Variants in PPP1R12C observed in about 807,000 individuals in gnomAD.
PPP1R12C encodes the protein protein phosphatase 1 regulatory subunit 12C.
PPP1R12C carries 48 observed loss-of-function variants against 95.6 expected under a neutral mutation model. The observed-to-expected ratio is 0.50, with a 90% CI of 0.40 to 0.64. The LOEUF is 0.64. PPP1R12C is among the 30% of genes least tolerant of loss of function. The pLI, the probability that PPP1R12C is intolerant of heterozygous loss-of-function variation, is 0.00. For synonymous variants in PPP1R12C, 480 were observed against 460.8 expected, an observed-to-expected ratio of 1.04 and a Z score of -0.53; for missense variants, 1,057 against 1,083.3, an observed-to-expected ratio of 0.98 and a Z score of 0.34.
At chr19:55,095,180 C>A in intron 11 of PPP1R12C, 111 bp downstream of exon 11, 1 of 1,225,378 alleles carries the variant, frequency 8.2e-7, no homozygotes. Context: ...TCTGGAGTGG[C>A]GGCAGGAACC....
At chr19:55,115,624 G>C (rs924912720) in intron 1 of PPP1R12C, 5 of 152,038 alleles carry the variant, frequency 3.3e-5, no homozygotes, top group African/African-American at 1.2e-4. Flanking sequence ...CTGGCAAGGA[G>C]AGAGATGGCT....
At position 55,092,992 on chromosome 19, in the gene PPP1R12C, G is replaced by C. The variant is rs372017217; in HGVS notation, c.1825+24C>G. ...AGAAACTGGATGATTCCCTGGGAAT[G>C]ACCTCCCCGAGAGCAGACCTCACCT... On this transcript the variant is annotated intron_variant, in intron 15 of 21. Transcript: ENST00000263433. 5 of 1,564,176 alleles carry C rather than the reference G, an allele frequency of 3.2e-6. No individual in the cohort carries two copies. In the African/African-American group the frequency reaches 4.1e-5, roughly 13 times the overall value.
chr19:55,107,623 T>C (rs908444067), intron 3 of PPP1R12C, among the ~76,000 whole-genome samples: 8 of 147,012 alleles, frequency 5.4e-5, no homozygotes, highest in African/African-American at 2.0e-4. Flanking sequence ...CACTGCATGT[T>C]GTCACTCATA....
intron 3 of PPP1R12C, 109 bp downstream of exon 3, chr19:55,112,358 C>A: frequency 1.1e-6 from 1 of 950,808 alleles, no homozygotes; most frequent in South Asian, 1.7e-5. Context: ...AAAGACAATC[C>A]TAGGAAGCAG....
intron 3 of PPP1R12C, among the ~76,000 whole-genome samples, chr19:55,111,155 G>GGGGGGGGGA (rs2085091369): frequency 1.4e-5 from 2 of 141,930 alleles, no homozygotes; most frequent in Non-Finnish European, 1.5e-5. Context: ...GGGGGAGGGG[G>GGGGGGGGGA]GGGTGCATGG....
Position 55,107,568 on chromosome 19 carries a change from T to G in PPP1R12C, c.572-4000A>C, listed in dbSNP as rs559534748. On this transcript the variant is annotated intron_variant, in intron 3 of 21. Transcript: ENST00000263433. ...TCCTTTGTAGGGACATGGATGAAGC[T>G]GGAAACCATCACTCAGCAAACTATC... Among the ~76,000 whole-genome samples the G allele has an allele frequency of 2.2e-4, 34 of 152,202 alleles. 1 individual carries two copies. The South Asian group carries it at 7.1e-3, about 32-fold the overall frequency.
At chr19:55,104,182 A>C (rs1162807722) in intron 3 of PPP1R12C, among the ~76,000 whole-genome samples, 1 of 94,100 alleles carries the variant, frequency 1.1e-5, no homozygotes, top group Non-Finnish European at 1.9e-5. Flanking sequence ...AAAAAAAAGT[A>C]TATATATATA....
intron 1 of PPP1R12C, chr19:55,115,116 A>T (rs960729280): frequency 1.3e-5 from 2 of 152,138 alleles, no homozygotes; most frequent in East Asian, 3.9e-4. Context: ...TGTCCCAGAT[A>T]GCACTGGGGA....
chr19:55,117,512 G>T lies in PPP1R12C; in HGVS notation c.32C>A (p.Pro11Gln). 9.8e-7 allele frequency: 1 copy of T among 1,024,170 alleles called. No individual in the cohort carries two copies. Among genetic ancestry groups the T allele is most frequent in the South Asian group, 3.7e-5 (1 of 27,138 alleles). The allele number at this position is 1,024,170 out of a possible 1,614,324, so 63.4% of individuals were successfully genotyped here. MSGEDGPAAG[P>Q]GAAAAAARER... ...CCGGGCAGCCGCCGCCGCCGCCCCC[G>T]GGCCAGCCGCCGGGCCATCCTCTCC... Residue 11 changes from proline to glutamine, a missense_variant, in exon 1 of 22, where the codon CCG (proline) becomes CAG (glutamine). This residue lies in a region of PPP1R12C where 70 missense variants were observed against 47.8 expected (regional missense o/e 1.46). Coordinates refer to ENST00000263433, the MANE Select transcript of PPP1R12C (RefSeq NM_017607.4).
rs756602850 is a variant in PPP1R12C, at chr19:55,093,198, C to G, written c.1719G>C (p.Lys573Asn). The G allele has an allele frequency of 6.2e-7, 1 of 1,613,658 alleles. No homozygotes were observed. Among genetic ancestry groups the G allele is most frequent in the South Asian group, 1.1e-5 (1 of 91,084 alleles). The change falls in exon 14 of 22, where the codon AAG becomes AAC. Residue 573 changes from lysine to asparagine, a missense_variant. By Grantham distance (94) the Lys-to-Asn change is moderately conservative (BLOSUM62 0). Coordinates refer to ENST00000263433, the MANE Select transcript of PPP1R12C (RefSeq NM_017607.4). ...VTLTDLKEAEKAAGKAPESEK... is the reference protein window; with the variant it reads ...VTLTDLKEAENAAGKAPESEK... ...CTGACTCTGGGGCCTTCCCTGCAGC[C>G]TTCTCTGCCTCCTTCAGGTCTGTAA...
rs1457285686 is a variant in PPP1R12C, at chr19:55,109,481, A to C, written c.571+2986T>G. ...CATGCCCGATTCAGCCCCTGAGTCG[A>C]CTGGGCCAGAGGACTTTGCGGTGTT... is the stretch of plus-strand genomic sequence containing the variant. On this transcript the variant is annotated intron_variant, in intron 3 of 21. Transcript: ENST00000263433. The surrounding 1 kb of genome is among the most constrained non-coding windows in gnomAD (Gnocchi z 4.4). 6.6e-6 allele frequency among the ~76,000 whole-genome samples: 1 copy of C among 152,224 alleles called. No homozygotes were observed. The highest frequency in any genetic ancestry group is 2.4e-5 in the African/African-American group (1 of 41,462).
intron 4 of PPP1R12C, 115 bp from the exon 5 acceptor site, chr19:55,099,210 G>A (rs1274848914): frequency 7.1e-6 from 9 of 1,260,492 alleles, no homozygotes; most frequent in Non-Finnish European, 9.6e-6. Context: ...AACGTCCCTG[G>A]ACAGGCTGGT....
chr19:55,092,379 G>A (rs2084854038), intron 18 of PPP1R12C, 53 bp from the exon 19 acceptor site: 10 of 1,567,234 alleles, frequency 6.4e-6, no homozygotes, highest in East Asian at 4.7e-5. Context: ...TGCTGGGGGG[G>A]CGGGGAAGCC....
intron 3 of PPP1R12C, among the ~76,000 whole-genome samples, chr19:55,110,991 C>G (rs977504445): frequency 6.6e-6 from 1 of 151,738 alleles, no homozygotes; most frequent in African/African-American, 2.4e-5. Context: ...ATGTCTATAC[C>G]TGGGAAGAGA....
In PPP1R12C at chr19:55,092,821, G is replaced by A. The variant is rs374417640; in HGVS notation, c.1873C>T (p.His625Tyr). The A allele has an allele frequency of 5.1e-6, 8 of 1,565,102 alleles. No homozygotes were observed. Among genetic ancestry groups the A allele is most frequent in the African/African-American group, 1.4e-5 (1 of 73,510 alleles). Residue 625 changes from histidine to tyrosine, a missense_variant, in exon 16 of 22, where the codon CAC (histidine) becomes TAC (tyrosine). By Grantham distance (83) the His-to-Tyr change is moderately conservative. Coordinates refer to ENST00000263433, the MANE Select transcript of PPP1R12C (RefSeq NM_017607.4). The part of the protein sequence containing the change: ...QGPGPQAARE[H>Y]RKVGKEWRGP... ...CTCCACTCCTTTCCGACCTTGCGGT[G>A]CTCCCTGGCCGCCTGCGGTCCCGGA... is the stretch of plus-strand genomic sequence containing the variant.
At chr19:55,091,601 C>T (rs2084840967) in intron 21 of PPP1R12C, 43 bp from the exon 22 acceptor site, 1 of 1,604,756 alleles carries the variant, frequency 6.2e-7, no homozygotes, top group East Asian at 2.2e-5. Context: ...TGGCGGGTTG[C>T]ACCCCCACCC....
In PPP1R12C at chr19:55,094,388, T is replaced by C. The variant is rs761984310; in HGVS notation, c.1640A>G (p.Lys547Arg). The C allele has an allele frequency of 1.4e-5, 23 of 1,612,704 alleles. No individual in the cohort carries two copies. The highest frequency in any genetic ancestry group is 1.9e-5 in the Non-Finnish European group (22 of 1,179,848). Residue 547 changes from lysine to arginine, a missense_variant, in exon 13 of 22, where the codon AAA becomes AGA. By Grantham distance (26) the Lys-to-Arg change is conservative. Coordinates refer to ENST00000263433, the MANE Select transcript of PPP1R12C (RefSeq NM_017607.4). ...CTGGCGCATGAGACGGGAGCGAGCT[T>C]TTCTCTGGGATTCCGACTCCTCATC... Reference protein sequence around the residue: ...VRDEESESQRKARSRLMRQSR... With the variant: ...VRDEESESQRRARSRLMRQSR...
chr19:55,092,024 C>T (rs1040434175), intron 19 of PPP1R12C, 115 bp from the exon 20 acceptor site: 6 of 1,345,158 alleles, frequency 4.5e-6, no homozygotes, highest in Non-Finnish European at 6.3e-6. Context: ...AAGCCCTTCC[C>T]CCACGGGCCA....
intron 4 of PPP1R12C, among the ~76,000 whole-genome samples, chr19:55,099,585 C>CAAAGTT (rs1013500129): frequency 2.6e-5 from 4 of 152,144 alleles, no homozygotes; most frequent in African/African-American, 9.7e-5. Context: ...GGTCTGCAGA[C>CAAAGTT]ATCTTTGTTG....
Sources: gnomAD v4.1 joint callset for allele counts (sites outside exome capture counted in the v4.1 genomes callset) on GRCh38, gnomAD v4.1.1 for gene constraint, gnomAD v4.1.1 regional missense constraint, Gnocchi (gnomAD v3.1) non-coding constraint, MANE v1.5 for transcripts, NCBI Gene and HGNC (gene_info 2026-07-23, HGNC 2026-07-21) for gene names.